The following ITPRID1 variants were observed in gnomAD, a reference collection of about 807,000 sequenced individuals.
The protein encoded by ITPRID1 is ITPR interacting domain containing 1, also known as protein ITPRID1.
ITPRID1 carries 96 observed loss-of-function variants against 95.4 expected under a neutral mutation model. That is an observed-to-expected ratio of 1.01 (90% confidence interval 0.85 to 1.19). The LOEUF is 1.19. Ranked by LOEUF, ITPRID1 falls within the 50% of genes most tolerant of loss-of-function variation. The pLI, the probability that ITPRID1 is intolerant of heterozygous loss-of-function variation, is 0.00. For missense variants in ITPRID1, 1,339 were observed against 1,252.9 expected, an observed-to-expected ratio of 1.07 and a Z score of -1.04; for synonymous variants, 510 against 453.6, an observed-to-expected ratio of 1.12 and a Z score of -1.58.
intron 9 of ITPRID1, 144 bp from the exon 10 acceptor site, chr7:31,582,990 C>T (rs1785458467): frequency 3.7e-6 from 2 of 536,258 alleles, no homozygotes; most frequent in East Asian, 2.9e-5. Context: ...CCCGGTACCT[C>T]CTCCCAGCAG....
At chr7:31,596,144 A>C (rs2128157140) in intron 10 of ITPRID1, among the ~76,000 whole-genome samples, 1 of 151,474 alleles carries the variant, frequency 6.6e-6, no homozygotes, top group African/African-American at 2.4e-5. Context: ...ATATACAACA[A>C]AAATTAATAA....
At chr7:31,522,821 T>G (rs1193081492) in intron 1 of ITPRID1, among the ~76,000 whole-genome samples, 1 of 152,192 alleles carries the variant, frequency 6.6e-6, no homozygotes, top group Non-Finnish European at 1.5e-5. Flanking sequence ...ATATGGCAAT[T>G]GAGTGTTCGT....
intron 1 of ITPRID1, among the ~76,000 whole-genome samples, chr7:31,520,542 TGTGTGTGTGTGTGTGTGTGTGTGAGAGA>T (rs1369868361): frequency 6.7e-4 from 57 of 84,682 alleles, no homozygotes; most frequent in African/African-American, 3.7e-3. Context: ...TGTGTGTGTG[TGTGTGTGTGTGTGTGTGTGTGTGAGAGA>T]GAGAGAGAGA....
At chr7:31,543,372 A>G (rs1783991663) in intron 1 of ITPRID1, among the ~76,000 whole-genome samples, 1 of 152,128 alleles carries the variant, frequency 6.6e-6, no homozygotes. Flanking sequence ...AACCTTTTCC[A>G]GGAAAACAAG....
chr7:31,575,844 T>C (rs1373684420), intron 8 of ITPRID1, among the ~76,000 whole-genome samples: 3 of 151,930 alleles, frequency 2.0e-5, no homozygotes, highest in Admixed American at 2.0e-4. Flanking sequence ...GTTTCTCCGT[T>C]TTCAAGTAGG....
intron 5 of ITPRID1, among the ~76,000 whole-genome samples, chr7:31,562,881 C>G (rs1784672686): frequency 6.6e-6 from 1 of 152,176 alleles, no homozygotes; most frequent in Admixed American, 6.5e-5. Context: ...CTCCATAAGA[C>G]CTTCCTGACT....
At chr7:31,545,258 G>C (rs185005166) in intron 1 of ITPRID1, among the ~76,000 whole-genome samples, 29 of 152,196 alleles carry the variant, frequency 1.9e-4, no homozygotes, top group Non-Finnish European at 2.9e-5. Flanking sequence ...GATGCATCTT[G>C]GAACAAGTAG....
chr7:31,624,861 G>C (rs1037189714), intron 10 of ITPRID1, among the ~76,000 whole-genome samples: 4 of 152,084 alleles, frequency 2.6e-5, no homozygotes, highest in Non-Finnish European at 4.4e-5. Context: ...AAAAATTTTC[G>C]CAACCTATTC....
At chr7:31,590,492 A>G (rs1785818334) in intron 10 of ITPRID1, among the ~76,000 whole-genome samples, 1 of 152,200 alleles carries the variant, frequency 6.6e-6, no homozygotes, top group Non-Finnish European at 1.5e-5. Flanking sequence ...AAAAAGATAT[A>G]TATCTGATAC....
At chr7:31,622,422 G>A (rs1405276585) in intron 10 of ITPRID1, among the ~76,000 whole-genome samples, 12 of 151,874 alleles carry the variant, frequency 7.9e-5, no homozygotes, top group African/African-American at 2.4e-4. Flanking sequence ...AGACCACAGT[G>A]CAATCAAACT....
chr7:31,572,921 T>C (rs1785042388), intron 7 of ITPRID1, among the ~76,000 whole-genome samples: 1 of 152,226 alleles, frequency 6.6e-6, no homozygotes, highest in South Asian at 2.1e-4. Flanking sequence ...TCAATAAATA[T>C]ATGTATAAAT....
chr7:31,587,708 C>G, intron 10 of ITPRID1, among the ~76,000 whole-genome samples: 1 of 151,294 alleles, frequency 6.6e-6, no homozygotes, highest in Non-Finnish European at 1.5e-5. Flanking sequence ...AAGAACAAAG[C>G]TGGAGGCATC....
At chr7:31,620,113 A>C (rs1164081943) in intron 10 of ITPRID1, among the ~76,000 whole-genome samples, 1 of 152,168 alleles carries the variant, frequency 6.6e-6, no homozygotes, top group African/African-American at 2.4e-5. Flanking sequence ...GGAAGCTCCA[A>C]CTGGGTGGAG....
At chr7:31,528,862 T>C (rs894044346) in intron 1 of ITPRID1, among the ~76,000 whole-genome samples, 14 of 152,202 alleles carry the variant, frequency 9.2e-5, no homozygotes, top group African/African-American at 3.1e-4. Context: ...TTTACATCAT[T>C]TTAAACTCTA....
chr7:31,523,857 A>G (rs1393350714), intron 1 of ITPRID1, among the ~76,000 whole-genome samples: 1 of 152,148 alleles, frequency 6.6e-6, no homozygotes, highest in East Asian at 1.9e-4. Context: ...GTGGAATAGC[A>G]AAATATAAAC....
chr7:31,535,565 A>G (rs1242708881), intron 1 of ITPRID1, among the ~76,000 whole-genome samples: 1 of 152,026 alleles, frequency 6.6e-6, no homozygotes, highest in Admixed American at 6.6e-5. Context: ...TCAAATTTTT[A>G]CTTCCTGTTA....
chr7:31,601,134 T>C (rs1240695845), intron 10 of ITPRID1, among the ~76,000 whole-genome samples: 1 of 152,092 alleles, frequency 6.6e-6, no homozygotes, highest in Non-Finnish European at 1.5e-5. Flanking sequence ...AGAAATCAAT[T>C]ACTTATTGAA....
intron 10 of ITPRID1, among the ~76,000 whole-genome samples, chr7:31,604,729 A>G (rs1369605921): frequency 6.6e-6 from 1 of 152,250 alleles, no homozygotes. Flanking sequence ...ATTACGTTTA[A>G]CAAGTTTAAC....
rs1450483512 is a variant in ITPRID1 at position 31,586,109 on chromosome 7, G to A, written c.1228+2918G>A. On this transcript the variant is annotated intron_variant, in intron 10 of 14. Transcript: ENST00000615280. ...GCGGTGTTTGGTTTTTTGTTCTTGCGATAGTTTACTGAGAATGATGATTTC... is the reference window on the plus strand; with the variant it reads ...GCGGTGTTTGGTTTTTTGTTCTTGCAATAGTTTACTGAGAATGATGATTTC... 8.0e-4 allele frequency among the ~76,000 whole-genome samples: 110 copies of A among 138,230 alleles called. 1 individual carries two copies. The highest frequency in any genetic ancestry group is 2.4e-3 in the African/African-American group (86 of 36,132). 90.7% of individuals were successfully genotyped at this position (138,230 alleles called of 152,430 possible). A position where few individuals can be genotyped will look rare whatever the true frequency, so the allele number is the denominator to read the frequency against.
Sources: allele counts gnomAD v4.1 joint callset (sites outside exome capture counted in the v4.1 genomes callset), GRCh38; gene constraint gnomAD v4.1.1; transcripts MANE v1.5; gene names NCBI Gene and HGNC (gene_info 2026-07-23, HGNC 2026-07-21).